Variants in NUBPL observed in about 807,000 individuals in gnomAD.
The protein encoded by NUBPL is NUBP iron-sulfur cluster assembly factor, mitochondrial.
In NUBPL, 31 loss-of-function variants were observed where a neutral mutation model predicts 45.7. The ratio of observed to expected loss-of-function variants is 0.68; its 90% confidence interval spans 0.51 to 0.92. The LOEUF (loss-of-function observed/expected upper bound fraction) is 0.92. Ranked by LOEUF, NUBPL falls within the 40% of genes least tolerant of loss-of-function variation. The pLI is 0.00. For missense variants in NUBPL, 401 were observed against 398.7 expected (o/e 1.01, Z -0.05); for synonymous variants, 144 against 140.9 (o/e 1.02, Z -0.15).
chr14:31,718,075 A>AT (rs1197752260), intron 6 of NUBPL, among the ~76,000 whole-genome samples: 1 of 152,214 alleles, frequency 6.6e-6, no homozygotes, highest in African/African-American at 2.4e-5. Flanking sequence ...TCCAAGAGTC[A>AT]CTAACTGGTA....
At chr14:31,766,371 G>A (rs991680637) in intron 6 of NUBPL, among the ~76,000 whole-genome samples, 1 of 152,158 alleles carries the variant, frequency 6.6e-6, no homozygotes, top group African/African-American at 2.4e-5. Context: ...GCCTCCGGTT[G>A]GAAGGCAGAA....
intron 6 of NUBPL, among the ~76,000 whole-genome samples, chr14:31,778,231 T>C (rs2138786843): frequency 6.6e-6 from 1 of 152,312 alleles, no homozygotes; most frequent in South Asian, 2.1e-4. Flanking sequence ...TATTTTCCCC[T>C]TTTTTGGGAG....
chr14:31,741,226 T>C (rs2038276856), intron 6 of NUBPL, among the ~76,000 whole-genome samples: 1 of 152,178 alleles, frequency 6.6e-6, no homozygotes, highest in African/African-American at 2.4e-5. Flanking sequence ...AATAGGTTTT[T>C]AGTAAGGTAT....
chr14:31,712,790 T>G (rs2139928952), intron 6 of NUBPL, among the ~76,000 whole-genome samples: 1 of 152,340 alleles, frequency 6.6e-6, no homozygotes, highest in South Asian at 2.1e-4. Context: ...AAGAAGGCTT[T>G]AATCACGTGC....
At chr14:31,774,057 C>T (rs1405590724) in intron 6 of NUBPL, among the ~76,000 whole-genome samples, 1 of 152,178 alleles carries the variant, frequency 6.6e-6, no homozygotes, top group East Asian at 1.9e-4. Context: ...TTTGGTTACA[C>T]CTTTCCATGC....
At chr14:31,704,536 G>A (rs2037404865) in intron 6 of NUBPL, among the ~76,000 whole-genome samples, 1 of 152,032 alleles carries the variant, frequency 6.6e-6, no homozygotes, top group African/African-American at 2.4e-5. Context: ...GGTGGTGCAT[G>A]CCTGTAATCC....
chr14:31,732,048 A>G (rs1294104565), intron 6 of NUBPL, among the ~76,000 whole-genome samples: 2 of 151,786 alleles, frequency 1.3e-5, no homozygotes, highest in South Asian at 2.1e-4. Context: ...TAAAAATACA[A>G]AAAAGCCGGG....
chr14:31,855,699 T>G, intron 10 of NUBPL, among the ~76,000 whole-genome samples: 1 of 152,054 alleles, frequency 6.6e-6, no homozygotes, highest in East Asian at 1.9e-4. Context: ...ATTTAGCTGT[T>G]AGGGCTCAAG....
chr14:31,610,892 C>CAA (rs1282374331), intron 4 of NUBPL, among the ~76,000 whole-genome samples: 2 of 152,010 alleles, frequency 1.3e-5, no homozygotes, highest in Non-Finnish European at 2.9e-5. Flanking sequence ...CTTCAGGATA[C>CAA]AAACCTTCAA....
At chr14:31,712,895 G>A (rs770653875) in intron 6 of NUBPL, among the ~76,000 whole-genome samples, 23 of 152,182 alleles carry the variant, frequency 1.5e-4, no homozygotes, top group Non-Finnish European at 3.4e-4. Flanking sequence ...GTAATTATGT[G>A]TGGGAAAACA....
intron 4 of NUBPL, among the ~76,000 whole-genome samples, chr14:31,637,689 A>T (rs2035547575): frequency 6.6e-6 from 1 of 152,120 alleles, no homozygotes; most frequent in South Asian, 2.1e-4. Flanking sequence ...GACAGTGGGA[A>T]GTTAGAGTCT....
chr14:31,615,741 G>T (rs1156271168), intron 4 of NUBPL, among the ~76,000 whole-genome samples: 2 of 152,184 alleles, frequency 1.3e-5, no homozygotes, highest in African/African-American at 4.8e-5. Flanking sequence ...ATTGTGAACA[G>T]TGCTGCAATA....
chr14:31,826,675 A>G lies in NUBPL; in HGVS notation c.654A>G (p.Ala218=), dbSNP rs1334187583. 1.2e-6 allele frequency: 2 copies of G among 1,614,146 alleles called. No homozygotes were observed. Among genetic ancestry groups the G allele is most frequent in the Non-Finnish European group, 1.7e-6 (2 of 1,179,996 alleles). Residue 218 remains alanine (A), a synonymous_variant, in exon 8 of 11, where the codon GCA becomes GCG. Transcript: ENST00000281081. ...STPQDIALMD[A]HKGAEMFRRV... ...CCCAGGACATCGCATTGATGGATGCACACAAGGGTGCTGAGATGTTTCGCA... is the reference window on the plus strand; with the variant it reads ...CCCAGGACATCGCATTGATGGATGCGCACAAGGGTGCTGAGATGTTTCGCA...
intron 10 of NUBPL, among the ~76,000 whole-genome samples, chr14:31,856,109 G>A (rs945841791): frequency 3.3e-5 from 5 of 152,200 alleles, no homozygotes; most frequent in Admixed American, 6.5e-5. Context: ...AAAGAAAGAG[G>A]TTTATTGGAC....
chr14:31,851,031 G>T (rs1219699512), intron 10 of NUBPL, among the ~76,000 whole-genome samples: 1 of 152,098 alleles, frequency 6.6e-6, no homozygotes, highest in African/African-American at 2.4e-5. Flanking sequence ...ATAGTTGATA[G>T]ATTTTCAAAA....
At chr14:31,639,477 G>T (rs1247582346) in intron 4 of NUBPL, among the ~76,000 whole-genome samples, 1 of 152,198 alleles carries the variant, frequency 6.6e-6, no homozygotes, top group Non-Finnish European at 1.5e-5. Context: ...TGTGTGAGGT[G>T]TCAGTCTGCC....
intron 6 of NUBPL, among the ~76,000 whole-genome samples, chr14:31,754,301 AAAATAATCTAAGTAGTTAGCAT>A (rs1171055226): frequency 1.3e-5 from 2 of 152,210 alleles, no homozygotes; most frequent in South Asian, 4.1e-4. Context: ...ACACAGAGAG[AAAATAATCTAAGTAGTTAGCAT>A]AAATTATGGA....
intron 6 of NUBPL, among the ~76,000 whole-genome samples, chr14:31,781,626 CTT>C (rs2039192859): frequency 6.6e-6 from 1 of 152,198 alleles, no homozygotes; most frequent in Non-Finnish European, 1.5e-5. Context: ...TTAAGACACT[CTT>C]GTTATTTTAA....
At chr14:31,644,059 A>T (rs4981870) in intron 4 of NUBPL, among the ~76,000 whole-genome samples, 3 of 152,006 alleles carry the variant, frequency 2.0e-5, no homozygotes, top group African/African-American at 4.8e-5. Context: ...CTAGCTAAAG[A>T]TTTGTCAATT....
Sources: allele counts gnomAD v4.1 joint callset (sites outside exome capture counted in the v4.1 genomes callset), GRCh38; gene constraint gnomAD v4.1.1; transcripts MANE v1.5; gene names NCBI Gene and HGNC (gene_info 2026-07-23, HGNC 2026-07-21).